The following IGHMBP2 variants were observed in gnomAD, a reference collection of about 807,000 sequenced individuals.
IGHMBP2 encodes the protein DNA-binding protein SMUBP-2.
IGHMBP2 carries 81 observed loss-of-function variants against 96.0 expected under a neutral mutation model. That is an observed-to-expected ratio of 0.84 (90% CI 0.71 to 1.01). IGHMBP2 has a LOEUF of 1.01. IGHMBP2 is among the 50% of genes least tolerant of loss of function. The pLI, the probability that IGHMBP2 is intolerant of heterozygous loss-of-function variation, is 0.00. For synonymous variants in IGHMBP2, 557 were observed against 548.9 expected, an observed-to-expected ratio of 1.01 and a Z score of -0.21; for missense variants, 1,227 against 1,306.3, an observed-to-expected ratio of 0.94 and a Z score of 0.94.
At chr11:68,913,720 G>A (rs1398308934) in intron 5 of IGHMBP2, among the ~76,000 whole-genome samples, 2 of 152,094 alleles carry the variant, frequency 1.3e-5, no homozygotes, top group African/African-American at 4.8e-5. Flanking sequence ...GGAGTTTGAG[G>A]TCAGTCTGGG....
intron 12 of IGHMBP2, 66 bp from the exon 13 acceptor site, chr11:68,936,171 G>C: frequency 1.3e-6 from 2 of 1,578,732 alleles, no homozygotes; most frequent in Non-Finnish European, 8.7e-7. Context: ...ACTGATAAGG[G>C]CGTAGGAGCC....
At chr11:68,904,733 T>C (rs1039793875) in intron 1 of IGHMBP2, among the ~76,000 whole-genome samples, 2 of 152,060 alleles carry the variant, frequency 1.3e-5, no homozygotes, top group African/African-American at 4.8e-5. Context: ...TTACGTACTT[T>C]CCATGCGTTA....
In IGHMBP2 at chr11:68,930,942, C is replaced by A. The variant is rs567774891; in HGVS notation, c.1235+1585C>A. Among the ~76,000 whole-genome samples the A allele has an allele frequency of 7.9e-5, 12 of 152,246 alleles. No homozygotes were observed. In the East Asian group the frequency reaches 2.3e-3, roughly 30 times the overall value. ...GTCCTCTCGCCTTCTCTGACTGAGC[C>A]CAGGGCTTTTATGGACCTCAAGAGG... On this transcript the variant is annotated intron_variant, in intron 8 of 14. Transcript: ENST00000255078.
chr11:68,934,081 C>G, intron 10 of IGHMBP2, 168 bp downstream of exon 10: 1 of 674,090 alleles, frequency 1.5e-6, no homozygotes, highest in Non-Finnish European at 2.7e-6. Flanking sequence ...ATCGTTTTCT[C>G]CAGGGTGAGC....
In IGHMBP2 at chr11:68,927,958, C is replaced by T. The variant is rs182612661; in HGVS notation, c.1061-1225C>T. On this transcript the variant is annotated intron_variant, in intron 7 of 14. Coordinates refer to ENST00000255078, the MANE Select transcript of IGHMBP2 (RefSeq NM_002180.3). The stretch of plus-strand genomic sequence containing the variant: ...GCAGGTTTCAGTGCCACCGAGCTCC[C>T]GTGCTGACGGGGATTCAGATGCTTT... Among the ~76,000 whole-genome samples, 74 of 152,304 alleles carry T rather than the reference C, an allele frequency of 4.9e-4. 1 individual carries two copies. The highest frequency in any genetic ancestry group is 1.1e-3 in the African/African-American group (47 of 41,566).
chr11:68,939,146 C>T (rs1033821763), intron 14 of IGHMBP2, among the ~76,000 whole-genome samples: 4 of 152,234 alleles, frequency 2.6e-5, no homozygotes, highest in African/African-American at 7.2e-5. Flanking sequence ...CATGTCCTGG[C>T]GAGCTGCCTG....
Position 68,904,181 on chromosome 11 carries a change from T to A in IGHMBP2, c.86+143T>A. On this transcript the variant is annotated intron_variant, in intron 1 of 14. Coordinates refer to ENST00000255078, the MANE Select transcript of IGHMBP2 (RefSeq NM_002180.3). ...TCAGGGGCAGGGATCGTCCGTCCCC[T>A]GCTTGGCCACCTCCCGAGTTGTCAG... The A allele has an allele frequency of 4.1e-6, 3 of 725,318 alleles. No individual in the cohort carries two copies. In the South Asian group the frequency reaches 4.7e-5, roughly 11 times the overall value. 44.9% of individuals were successfully genotyped at this position (725,318 alleles called of 1,614,324 possible).
At chr11:68,919,192 C>T (rs1040501581) in intron 7 of IGHMBP2, among the ~76,000 whole-genome samples, 1 of 151,400 alleles carries the variant, frequency 6.6e-6, no homozygotes, top group Admixed American at 6.6e-5. Flanking sequence ...CTCCCCTCCC[C>T]GTCCCCGTCC....
At position 68,933,818 on chromosome 11, in the gene IGHMBP2, C is replaced by G. The variant is rs1555247334; in HGVS notation, c.1442C>G (p.Thr481Arg). The G allele has an allele frequency of 1.2e-6, 2 of 1,612,616 alleles. No individual in the cohort carries two copies. The highest frequency in any genetic ancestry group is 8.5e-7 in the Non-Finnish European group (1 of 1,179,540). ...AGGGACCTCCCAGGTGTGGCTGCCACAGAAGAGACGGGTGTGCCCCTGCTC... is the reference window on the plus strand; with the variant it reads ...AGGGACCTCCCAGGTGTGGCTGCCAGAGAAGAGACGGGTGTGCCCCTGCTC... ...LLRDLPGVAA[T>R]EETGVPLLLV... The change falls in exon 10 of 15, where the codon ACA becomes AGA. Residue 481 changes from threonine to arginine, a missense_variant. Coordinates refer to ENST00000255078, the MANE Select transcript of IGHMBP2 (RefSeq NM_002180.3).
In IGHMBP2 at chr11:68,933,308, G is replaced by A. The variant is rs548509132; in HGVS notation, c.1245G>A (p.Leu415=). Residue 415 remains leucine (L), a synonymous_variant, in exon 9 of 15, where the codon CTG becomes CTA. Coordinates refer to ENST00000255078, the MANE Select transcript of IGHMBP2 (RefSeq NM_002180.3). ...TCCCTCCTGGGCGCAGGGCTGCGCT[G>A]GCAGGACTGTCACTCAGCCTGATGG... ...PPTTVSHKAA[L]AGLSLSLMER... is the part of the protein sequence containing the mutation. 6.2e-7 allele frequency: 1 copy of A among 1,612,592 alleles called. No homozygotes were observed. Among genetic ancestry groups the A allele is most frequent in the Non-Finnish European group, 8.5e-7 (1 of 1,179,802 alleles).
chr11:68,925,187 C>T (rs1859019835), intron 7 of IGHMBP2, among the ~76,000 whole-genome samples: 1 of 149,824 alleles, frequency 6.7e-6, no homozygotes, highest in African/African-American at 2.5e-5. Context: ...ACTCTGTTGC[C>T]CAGGCTGTAG....
intron 5 of IGHMBP2, 27 bp from the exon 6 acceptor site, chr11:68,914,796 G>T: frequency 6.2e-7 from 1 of 1,612,882 alleles, no homozygotes; most frequent in South Asian, 1.1e-5. Flanking sequence ...CAAAGTAAAT[G>T]ACCAGATCCT....
intron 7 of IGHMBP2, among the ~76,000 whole-genome samples, chr11:68,926,595 T>A (rs548889841): frequency 6.6e-6 from 1 of 152,224 alleles, no homozygotes; most frequent in Admixed American, 6.5e-5. Context: ...AAAAAATTAT[T>A]CCTGTCTCTT....
rs759736658 is a variant in IGHMBP2, at chr11:68,908,190, TG to T, written c.304del (p.Ala102ProfsTer5). 1.6e-5 allele frequency: 26 copies of T among 1,614,008 alleles called. No individual in the cohort carries two copies. The South Asian group carries it at 2.9e-4, about 18-fold the overall frequency. On this transcript the variant is annotated frameshift_variant, in exon 3 of 15. Transcript: ENST00000255078. LOFTEE classifies it high-confidence loss of function. The part of the protein sequence containing the change: ...LYDAANEGSQ[L>X]ATGILTRVTQ... ...GATGCTGCTAATGAGGGCAGTCAGC[TG>T]GCCACTGGGATCTTGACCCGGGTCA... is the stretch of plus-strand genomic sequence containing the variant.
chr11:68,909,911 C>A (rs599366), intron 4 of IGHMBP2, among the ~76,000 whole-genome samples: 6,822 of 152,274 alleles, frequency 0.045, 519 homozygotes, highest in African/African-American at 0.15. Context: ...GGATTACAGG[C>A]GTGAGCCACC....
Position 68,933,859 on chromosome 11 carries a change from G to A in IGHMBP2, c.1483G>A (p.Gly495Ser), listed in dbSNP as rs201964221. Residue 495 changes from glycine to serine, a missense_variant, in exon 10 of 15, where the codon GGC (glycine) becomes AGC (serine). By Grantham distance (56) the Gly-to-Ser change is moderately conservative. Around this residue, in one of 3 missense-constraint regions of IGHMBP2, gnomAD observed 703 missense variants for 770.3 expected, o/e 0.91. Coordinates refer to ENST00000255078, the MANE Select transcript of IGHMBP2 (RefSeq NM_002180.3). ...GCCCCTGCTCTTGGTGGACACCGCC[G>A]GCTGCGGGCTGTTTGAGCTGGAGGA... The part of the protein sequence containing the change: ...GVPLLLVDTA[G>S]CGLFELEEED... 55 of 1,606,828 alleles carry A rather than the reference G, an allele frequency of 3.4e-5. No individual in the cohort carries two copies. In the East Asian group the frequency reaches 8.7e-4, roughly 26 times the overall value.
chr11:68,939,777 C>A lies in IGHMBP2; in HGVS notation c.*46C>A, dbSNP rs566178639. The A allele has an allele frequency of 1.5e-5, 24 of 1,552,282 alleles. No homozygotes were observed. The East Asian group carries it at 5.1e-4, about 33-fold the overall frequency. ...CCCGCGGAGCTCTCTCCATGGTAGC[C>A]CAGGGCGCTGGCAGACCATGCTCCG... is the stretch of plus-strand genomic sequence containing the variant. On this transcript the variant is annotated 3_prime_UTR_variant, in exon 15 of 15. Transcript: ENST00000255078.
chr11:68,912,529 AT>A (rs1858480662), intron 5 of IGHMBP2, among the ~76,000 whole-genome samples: 1 of 142,120 alleles, frequency 7.0e-6, no homozygotes, highest in Non-Finnish European at 1.6e-5. Context: ...TTTTTTTTTA[AT>A]TTATTTATTT....
At chr11:68,938,103 C>A in intron 13 of IGHMBP2, 79 bp from the exon 14 acceptor site, 2 of 1,496,082 alleles carry the variant, frequency 1.3e-6, no homozygotes, top group Non-Finnish European at 1.9e-6. Context: ...CGTGCTTAGC[C>A]ATGAATTGAT....
Sources: gnomAD v4.1 joint callset for allele counts (sites outside exome capture counted in the v4.1 genomes callset) on GRCh38, gnomAD v4.1.1 for gene constraint, gnomAD v4.1.1 regional missense constraint, MANE v1.5 for transcripts, NCBI Gene and HGNC (gene_info 2026-07-23, HGNC 2026-07-21) for gene names.